ADGRG2: variants seen among roughly 807,000 people sequenced by gnomAD.
ADGRG2 encodes the protein adhesion G protein-coupled receptor G2, also known as G protein-coupled receptor 64.
A neutral mutation model predicts 74.1 loss-of-function variants in ADGRG2; 26 were observed. The ratio of observed to expected loss-of-function variants is 0.35; its 90% CI spans 0.26 to 0.49. The LOEUF is 0.49. Among genes scored for constraint, ADGRG2 ranks in the 20% least tolerant of loss-of-function variants. The pLI, the probability that ADGRG2 is intolerant of heterozygous loss-of-function variation, is 0.99. For synonymous variants in ADGRG2, 296 were observed against 295.2 expected (o/e 1.00, Z -0.03); for missense variants, 619 against 763.1 (o/e 0.81, Z 2.22).
intron 1 of ADGRG2, among the ~76,000 whole-genome samples, chrX:19,110,076 G>A (rs766560958): frequency 5.4e-5 from 6 of 111,426 alleles, no homozygotes; most frequent in African/African-American, 1.6e-4. Flanking sequence ...CATGCATGAA[G>A]GATTAAATGT....
chrX:19,121,311 G>A (rs1221148909), intron 1 of ADGRG2, among the ~76,000 whole-genome samples: 2 of 111,393 alleles, frequency 1.8e-5, no homozygotes, highest in African/African-American at 6.5e-5. Context: ...TCACTCTATT[G>A]TTCTCTCCCC....
At chrX:19,075,278 A>G (rs2061727030) in intron 2 of ADGRG2, among the ~76,000 whole-genome samples, 1 of 110,334 alleles carries the variant, frequency 9.1e-6, no homozygotes, top group Admixed American at 9.6e-5. Context: ...AAACAGGAAC[A>G]TCTGAAAAAT....
chrX:19,083,717 G>C (rs1337373678), intron 1 of ADGRG2, among the ~76,000 whole-genome samples: 1 of 112,284 alleles, frequency 8.9e-6, no homozygotes, highest in Admixed American at 9.4e-5. Context: ...GACCTGACTT[G>C]TATCTTTTAG....
At chrX:18,995,149 A>C in intron 27 of ADGRG2, 101 bp from the exon 28 acceptor site, 2 of 550,650 alleles carry the variant, frequency 3.6e-6, no homozygotes, top group Non-Finnish European at 5.7e-6. Context: ...CTGATTTCTC[A>C]CTTCAGGATC....
intron 4 of ADGRG2, among the ~76,000 whole-genome samples, chrX:19,039,832 C>T (rs1292131188): frequency 8.9e-6 from 1 of 111,982 alleles, no homozygotes; most frequent in Admixed American, 9.5e-5. Context: ...CATCTCATCT[C>T]ATCTCCTCCC....
chrX:19,060,649 G>C lies in ADGRG2; in HGVS notation c.118+8068C>G, dbSNP rs189502905. On this transcript the variant is annotated intron_variant, in intron 3 of 28. Coordinates refer to ENST00000379869, the MANE Select transcript of ADGRG2 (RefSeq NM_001079858.3). ...CTGCAACCTCTGCTCCCAGGTTCAA[G>C]CAATTCTCCTGCCTCAGGCTCCTGA... Among the ~76,000 whole-genome samples the C allele has an allele frequency of 1.7e-3, 186 of 108,763 alleles. 1 individual carries two copies. The highest frequency in any genetic ancestry group is 0.014 in the Middle Eastern group (3 of 214). The allele number at this position is 108,763 out of a possible 115,157, so 94.4% of individuals were successfully genotyped here.
intron 28 of ADGRG2, among the ~76,000 whole-genome samples, chrX:18,991,363 T>C (rs1406502527): frequency 9.0e-6 from 1 of 111,109 alleles, no homozygotes; most frequent in Non-Finnish European, 1.9e-5. Context: ...TAACTCTGGT[T>C]GGATATGTTT....
chrX:19,041,906 C>A (rs1416194210), intron 3 of ADGRG2, among the ~76,000 whole-genome samples: 1 of 111,530 alleles, frequency 9.0e-6, no homozygotes, highest in Non-Finnish European at 1.9e-5. Context: ...ACATCCCAGG[C>A]TCAAGTGATC....
intron 22 of ADGRG2, among the ~76,000 whole-genome samples, chrX:19,005,554 C>CTTTT (rs72423142): frequency 2.1e-5 from 2 of 95,654 alleles, no homozygotes; most frequent in East Asian, 3.1e-4. Context: ...ATCTCTCTCT[C>CTTTT]TTTTTTTTTT....
At chrX:19,088,080 G>A (rs1312387382) in intron 1 of ADGRG2, among the ~76,000 whole-genome samples, 2 of 111,924 alleles carry the variant, frequency 1.8e-5, no homozygotes, top group African/African-American at 6.5e-5. Context: ...TACCCAAGAT[G>A]ACAGAACTAA....
chrX:19,029,286 A>AATGG (rs1475599554), intron 9 of ADGRG2, among the ~76,000 whole-genome samples: 2 of 112,223 alleles, frequency 1.8e-5, no homozygotes, highest in Non-Finnish European at 3.8e-5. Flanking sequence ...CATTTTTAAA[A>AATGG]ATCTTAGCTT....
At chrX:19,114,071 CA>C (rs60491802) in intron 1 of ADGRG2, among the ~76,000 whole-genome samples, 793 of 27,000 alleles carry the variant, frequency 0.029, 14 homozygotes, top group African/African-American at 0.076. Context: ...GAATCTGTCT[CA>C]AAAAAAAAAA....
intron 1 of ADGRG2, among the ~76,000 whole-genome samples, chrX:19,103,111 A>G (rs2062217179): frequency 9.0e-6 from 1 of 111,299 alleles, no homozygotes; most frequent in South Asian, 3.8e-4. Flanking sequence ...TACAGGTCAC[A>G]AAGACCCTGC....
At chrX:19,025,539 T>C (rs1437397843) in intron 11 of ADGRG2, among the ~76,000 whole-genome samples, 1 of 111,283 alleles carries the variant, frequency 9.0e-6, no homozygotes, top group African/African-American at 3.3e-5. Flanking sequence ...ATTTCTAGTC[T>C]AGTAATTAAG....
chrX:19,068,686 A>G lies in ADGRG2; in HGVS notation c.118+31T>C, dbSNP rs776704015. 30 of 683,902 alleles carry G rather than the reference A, an allele frequency of 4.4e-5. 1 individual carries two copies. The East Asian group carries it at 1.0e-3, about 23-fold the overall frequency. The allele number at this position is 683,902 out of a possible 1,213,427, so 56.4% of individuals were successfully genotyped here. On this transcript the variant is annotated intron_variant, in intron 3 of 28. Transcript: ENST00000379869. ...ATACACACATGCAGATAAACAGAAA[A>G]AAAAAAAATGAAGAAAAACAGACAC...
intron 16 of ADGRG2, among the ~76,000 whole-genome samples, chrX:19,012,929 C>T (rs1400630023): frequency 9.0e-6 from 1 of 111,590 alleles, no homozygotes; most frequent in Non-Finnish European, 1.9e-5. Context: ...CCACTAAGCC[C>T]ACTTTGGACC....
intron 2 of ADGRG2, among the ~76,000 whole-genome samples, chrX:19,082,111 GAAAGA>G (rs1043153546): frequency 3.3e-5 from 3 of 90,152 alleles, no homozygotes; most frequent in African/African-American, 8.1e-5. Flanking sequence ...AAGAAAGAAA[GAAAGA>G]AAAGAAAAGA....
At chrX:19,018,092 A>G (rs1256500102) in intron 15 of ADGRG2, among the ~76,000 whole-genome samples, 2 of 110,838 alleles carry the variant, frequency 1.8e-5, no homozygotes, top group African/African-American at 6.6e-5. Context: ...TTGGTTGCAC[A>G]TTAGAATCGC....
At chrX:19,066,187 G>A (rs1465727560) in intron 3 of ADGRG2, among the ~76,000 whole-genome samples, 2 of 112,036 alleles carry the variant, frequency 1.8e-5, no homozygotes, top group East Asian at 2.8e-4. Flanking sequence ...TTTTGACAAC[G>A]TGCCCCAGTA....
Sources: allele counts gnomAD v4.1 joint callset (sites outside exome capture counted in the v4.1 genomes callset), GRCh38; gene constraint gnomAD v4.1.1; transcripts MANE v1.5; gene names NCBI Gene and HGNC (gene_info 2026-07-23, HGNC 2026-07-21).